Variants in CUBN observed in about 807,000 individuals in gnomAD.
CUBN encodes 460 kDa receptor.
CUBN carries 282 observed loss-of-function variants against 405.3 expected under a neutral mutation model. The ratio of observed to expected loss-of-function variants is 0.70; its 90% CI spans 0.63 to 0.77. The LOEUF is 0.77. Ranked by LOEUF, CUBN falls within the 30% of genes least tolerant of loss-of-function variation. The probability of loss-of-function intolerance (pLI) is 0.00; values close to 1 mark genes in which losing one functional copy is unlikely to be tolerated. For synonymous variants in CUBN, 1,684 were observed against 1,617.0 expected, an observed-to-expected ratio of 1.04 and a Z score of -0.99; for missense variants, 4,514 against 4,475.2, an observed-to-expected ratio of 1.01 and a Z score of -0.25.
rs776809291 is a variant in CUBN, at chr10:17,071,504, G to A, written c.2547C>T (p.Pro849=). Residue 849 remains proline, a synonymous_variant, in exon 19 of 67, where the codon CCC becomes CCT. Transcript: ENST00000377833. ...ERTCRWTIHQ[P]QSQVILLNFT... ...AGTTGAGGAGAATGACTTGGCTTTG[G>A]GGCTGGTGGATGGTCCACCTACAGG... is the stretch of plus-strand genomic sequence containing the variant. 5 of 1,613,934 alleles carry A rather than the reference G, an allele frequency of 3.1e-6. No homozygotes were observed. The highest frequency in any genetic ancestry group is 4.2e-6 in the Non-Finnish European group (5 of 1,179,940).
chr10:16,828,280 G>C (rs1165325235), intron 66 of CUBN, among the ~76,000 whole-genome samples: 1 of 152,116 alleles, frequency 6.6e-6, no homozygotes, highest in Non-Finnish European at 1.5e-5. Flanking sequence ...TTCTGACGCA[G>C]GGCTGATTTT....
rs925953267 is a variant in CUBN at position 16,824,515 on chromosome 10, GTTTT to G, written c.*456_*459del. ...AGAAAATGTACAAATATTGATTCTG[GTTTT>G]TTTTGTTTCTTTTTTTTTTGAGATG... On this transcript the variant is annotated 3_prime_UTR_variant, in exon 67 of 67. Transcript: ENST00000377833. 5.9e-6 allele frequency: 1 copy of G among 168,140 alleles called. No individual in the cohort carries two copies. Among genetic ancestry groups the G allele is most frequent in the African/African-American group, 2.4e-5 (1 of 41,408 alleles). 10.4% of individuals were successfully genotyped at this position (168,140 alleles called of 1,614,324 possible).
rs191595349 is a variant in CUBN at position 16,980,393 on chromosome 10, T to C, written c.4695+2091A>G. ...TCTACTATAAAGAGAGATGCACACG[T>C]ATGTTTACTGCAGCACTATTCACAA... On this transcript the variant is annotated intron_variant, in intron 31 of 66. Coordinates refer to ENST00000377833, the MANE Select transcript of CUBN (RefSeq NM_001081.4). Among the ~76,000 whole-genome samples the C allele has an allele frequency of 2.6e-3, 392 of 152,332 alleles. 2 individuals are homozygous for C. The highest frequency in any genetic ancestry group is 8.9e-3 in the African/African-American group (371 of 41,564).
At chr10:16,943,220 C>G (rs147065722) in intron 36 of CUBN, among the ~76,000 whole-genome samples, 129 of 152,282 alleles carry the variant, frequency 8.5e-4, no homozygotes, top group African/African-American at 2.9e-3. Flanking sequence ...GGTCTCTAAC[C>G]AAATCAGTAA....
intron 31 of CUBN, among the ~76,000 whole-genome samples, chr10:16,980,077 A>G (rs1833219548): frequency 6.6e-6 from 1 of 152,260 alleles, no homozygotes; most frequent in Non-Finnish European, 1.5e-5. Context: ...CAGCCAACAA[A>G]CATATGAAAA....
chr10:17,045,798 T>C (rs912894001), intron 24 of CUBN, 136 bp downstream of exon 24: 15 of 855,322 alleles, frequency 1.8e-5, no homozygotes, highest in Non-Finnish European at 2.3e-5. Context: ...GCTGTTAATT[T>C]AAAATTATTT....
chr10:17,100,512 A>G (rs1323545246), intron 13 of CUBN, among the ~76,000 whole-genome samples: 2 of 152,238 alleles, frequency 1.3e-5, no homozygotes, highest in Non-Finnish European at 2.9e-5. Flanking sequence ...TGTCAAGTCC[A>G]CCAGACCAAG....
intron 54 of CUBN, among the ~76,000 whole-genome samples, chr10:16,898,066 G>GTA (rs10551726): frequency 1.7e-3 from 252 of 145,020 alleles, no homozygotes; most frequent in African/African-American, 3.6e-3. Context: ...TTTATTATAT[G>GTA]TATATATATA....
chr10:16,888,478 A>G lies in CUBN; in HGVS notation c.8844T>C (p.Tyr2948=). 6.2e-7 allele frequency: 1 copy of G among 1,613,098 alleles called. No individual in the cohort carries two copies. Among genetic ancestry groups the G allele is most frequent in the South Asian group, 1.1e-5 (1 of 91,072 alleles). Residue 2948 remains tyrosine (Y), a synonymous_variant, in exon 56 of 67, where the codon TAT becomes TAC. Transcript: ENST00000377833. ...CTGACAGAGGATTAGCCTCTATGAC[A>G]TAGGTGCAATTCATGTTGTTGTCAT... The part of the protein sequence containing the change: ...KQYDNNMNCT[Y]VIEANPLSVV...
chr10:17,106,313 A>G (rs1481692574), intron 10 of CUBN, among the ~76,000 whole-genome samples: 2 of 150,164 alleles, frequency 1.3e-5, no homozygotes, highest in Non-Finnish European at 1.5e-5. Context: ...TTATAATAAT[A>G]ATAATACTAA....
intron 26 of CUBN, among the ~76,000 whole-genome samples, chr10:17,043,621 G>A (rs45613234): frequency 8.3e-4 from 126 of 152,236 alleles, no homozygotes; most frequent in Middle Eastern, 3.4e-3. Context: ...GGAGTTAAAC[G>A]ATTCACAGAA....
intron 4 of CUBN, among the ~76,000 whole-genome samples, chr10:17,125,222 A>G (rs72775057): frequency 0.22 from 33,416 of 152,088 alleles, 4,096 homozygotes; most frequent in Non-Finnish European, 0.27. Context: ...TATATTATAT[A>G]TGTGTCTATA....
At chr10:16,992,474 T>C (rs904864879) in intron 28 of CUBN, among the ~76,000 whole-genome samples, 2 of 152,186 alleles carry the variant, frequency 1.3e-5, no homozygotes, top group African/African-American at 4.8e-5. Flanking sequence ...TAAACTACCA[T>C]GGCTTCTAAA....
chr10:16,936,154 T>C (rs1842497655), intron 39 of CUBN, among the ~76,000 whole-genome samples: 1 of 152,150 alleles, frequency 6.6e-6, no homozygotes, highest in African/African-American at 2.4e-5. Context: ...CATATAATTA[T>C]GAAATTTCGT....
intron 3 of CUBN, 53 bp downstream of exon 3, chr10:17,127,776 C>A (rs2131329793): frequency 7.4e-7 from 1 of 1,344,382 alleles, no homozygotes; most frequent in Non-Finnish European, 1.1e-6. Context: ...GTTACTTATA[C>A]AATAGAACTA....
At chr10:16,835,555 T>G (rs1269001634) in intron 63 of CUBN, among the ~76,000 whole-genome samples, 1 of 152,068 alleles carries the variant, frequency 6.6e-6, no homozygotes, top group African/African-American at 2.4e-5. Flanking sequence ...CAAGACAGAG[T>G]TTTGCACAAG....
rs769831466 is a variant in CUBN at position 17,071,513 on chromosome 10, G to A, written c.2538C>T (p.Ile846=). Residue 846 remains isoleucine (I), a synonymous_variant, in exon 19 of 67, where the codon ATC becomes ATT. Coordinates refer to ENST00000377833, the MANE Select transcript of CUBN (RefSeq NM_001081.4). ...YPGERTCRWT[I]HQPQSQVILL... ...GAATGACTTGGCTTTGGGGCTGGTG[G>A]ATGGTCCACCTACAGGTTCTTTCTC... 1 of 1,613,978 alleles carries A rather than the reference G, an allele frequency of 6.2e-7. No homozygotes were observed.
chr10:16,963,119 A>G (rs1843279940), intron 31 of CUBN, among the ~76,000 whole-genome samples: 1 of 151,238 alleles, frequency 6.6e-6, no homozygotes, highest in Non-Finnish European at 1.5e-5. Flanking sequence ...GATTACAAGT[A>G]TGAAGGTAAG....
chr10:17,088,578 G>A (rs1250203953), intron 14 of CUBN, among the ~76,000 whole-genome samples: 1 of 152,168 alleles, frequency 6.6e-6, no homozygotes, highest in East Asian at 1.9e-4. Context: ...GTGCTTGTGA[G>A]CCATCACATG....
Sources: gnomAD v4.1 joint callset for allele counts (sites outside exome capture counted in the v4.1 genomes callset) on GRCh38, gnomAD v4.1.1 for gene constraint, MANE v1.5 for transcripts, NCBI Gene and HGNC (gene_info 2026-07-23, HGNC 2026-07-21) for gene names.